Variants in KIR2DL3 observed in about 807,000 individuals in gnomAD.
The protein encoded by KIR2DL3 is killer cell immunoglobulin-like receptor 2DL3.
A neutral mutation model predicts 33.8 loss-of-function variants in KIR2DL3; 39 were observed. The observed-to-expected ratio is 1.15, with a 90% CI of 0.89 to 1.51. The LOEUF is 1.51. Ranked by LOEUF, KIR2DL3 falls within the 40% of genes most tolerant of loss-of-function variation. KIR2DL3 has a pLI of 0.00. For missense variants in KIR2DL3, 462 were observed against 426.2 expected (o/e 1.08, Z -0.74); for synonymous variants, 174 against 160.2 (o/e 1.09, Z -0.65).
chr19:54,742,344 C>T lies in KIR2DL3; in HGVS notation c.370+65C>T, dbSNP rs562910802. On this transcript the variant is annotated intron_variant, in intron 3 of 7. Coordinates refer to ENST00000342376, the MANE Select transcript of KIR2DL3 (RefSeq NM_015868.3). The stretch of plus-strand genomic sequence containing the variant: ...GAGTGAATGATCCACGACTTGGAAC[C>T]CCCAGGTAGTTGTAAGGAAGATGAG... 4 of 1,356,042 alleles carry T rather than the reference C, an allele frequency of 2.9e-6. No homozygotes were observed. In the African/African-American group the frequency reaches 5.7e-5, roughly 19 times the overall value. 84.0% of individuals were successfully genotyped at this position (1,356,042 alleles called of 1,614,324 possible). A position where few individuals can be genotyped will look rare whatever the true frequency, so the allele number is the denominator to read the frequency against.
intron 5 of KIR2DL3, among the ~76,000 whole-genome samples, chr19:54,749,966 C>G (rs1385349256): frequency 8.2e-6 from 1 of 121,908 alleles, no homozygotes; most frequent in Non-Finnish European, 1.7e-5. Flanking sequence ...CACCTGAATT[C>G]CAATCATCGT....
chr19:54,742,648 A>C (rs1382962700), intron 3 of KIR2DL3, among the ~76,000 whole-genome samples: 1 of 151,366 alleles, frequency 6.6e-6, no homozygotes, highest in Admixed American at 6.6e-5. Context: ...GGAGAACCCA[A>C]GGACACCCAT....
intron 2 of KIR2DL3, among the ~76,000 whole-genome samples, chr19:54,740,207 G>A (rs1409057791): frequency 6.6e-6 from 1 of 151,974 alleles, no homozygotes; most frequent in Non-Finnish European, 1.5e-5. Context: ...AATCTTCTGA[G>A]CACAGGGAGG....
chr19:54,748,750 T>A (rs2072964384), intron 5 of KIR2DL3, among the ~76,000 whole-genome samples: 2 of 144,012 alleles, frequency 1.4e-5, no homozygotes, highest in African/African-American at 5.2e-5. Context: ...GCCTCTCGAG[T>A]AGCTGGGATT....
chr19:54,745,522 C>T (rs1228292144), intron 4 of KIR2DL3, among the ~76,000 whole-genome samples: 2 of 151,816 alleles, frequency 1.3e-5, no homozygotes, highest in African/African-American at 2.4e-5. Flanking sequence ...GCCACCATGC[C>T]TGGCTACTTT....
At chr19:54,740,231 A>G (rs2070767487) in intron 2 of KIR2DL3, among the ~76,000 whole-genome samples, 1 of 151,990 alleles carries the variant, frequency 6.6e-6, no homozygotes, top group Non-Finnish European at 1.5e-5. Context: ...GGGCAGTTCC[A>G]CATCCTCCTC....
chr19:54,741,200 A>G (rs1188755203), intron 2 of KIR2DL3, among the ~76,000 whole-genome samples: 10 of 150,956 alleles, frequency 6.6e-5, no homozygotes, highest in South Asian at 2.2e-4. Context: ...AAAGCCAGGC[A>G]TGGTGGCAGG....
intron 4 of KIR2DL3, among the ~76,000 whole-genome samples, chr19:54,745,139 A>C (rs1243656785): frequency 6.6e-6 from 1 of 151,336 alleles, no homozygotes. Context: ...TATTCTTTCT[A>C]TGGATGAGTA....
intron 2 of KIR2DL3, 62 bp downstream of exon 2, chr19:54,739,604 G>T (rs2070615548): frequency 1.2e-6 from 2 of 1,613,442 alleles, no homozygotes; most frequent in Non-Finnish European, 1.7e-6. Flanking sequence ...TCCTGAAACA[G>T]GAGGGAAGTC....
chr19:54,743,585 A>G (rs1165586772), intron 3 of KIR2DL3, among the ~76,000 whole-genome samples: 12 of 152,172 alleles, frequency 7.9e-5, no homozygotes, highest in Admixed American at 1.3e-4. Context: ...AAGGGAAAAC[A>G]TATCTAGAGG....
Position 54,743,029 on chromosome 19 carries a change from G to A in KIR2DL3, c.370+750G>A, listed in dbSNP as rs1243150178. ...GAATGATGGCAGGGAGCAGAGAAAA[G>A]CACTAAAATTAGAGTCCTGAGAGAG... On this transcript the variant is annotated intron_variant, in intron 3 of 7. Transcript: ENST00000342376. Among the ~76,000 whole-genome samples the A allele has an allele frequency of 1.2e-4, 18 of 151,960 alleles. No individual in the cohort carries two copies. The South Asian group carries it at 2.3e-3, about 19-fold the overall frequency.
intron 2 of KIR2DL3, among the ~76,000 whole-genome samples, chr19:54,740,025 G>A (rs2070722579): frequency 6.6e-6 from 1 of 151,936 alleles, no homozygotes; most frequent in Non-Finnish European, 1.5e-5. Flanking sequence ...TTTTATGTGA[G>A]TAATCTTACA....
chr19:54,744,275 G>A (rs1219755656), intron 4 of KIR2DL3, among the ~76,000 whole-genome samples, 187 bp downstream of exon 4: 1 of 152,118 alleles, frequency 6.6e-6, no homozygotes, highest in Non-Finnish European at 1.5e-5. Context: ...CCTGCATGAA[G>A]GCCCGCGGCC....
intron 3 of KIR2DL3, 75 bp from the exon 4 acceptor site, chr19:54,743,720 G>A (rs2071637108): frequency 1.6e-6 from 2 of 1,243,720 alleles, no homozygotes; most frequent in Non-Finnish European, 1.1e-6. Flanking sequence ...GAGCAGGGGA[G>A]TGAGTTCTCA....
chr19:54,742,861 T>C (rs1274638047), intron 3 of KIR2DL3, among the ~76,000 whole-genome samples: 1 of 150,510 alleles, frequency 6.6e-6, no homozygotes, highest in Non-Finnish European at 1.5e-5. Flanking sequence ...ACCCCACATA[T>C]GAAAGGATCA....
rs541969449 is a variant in KIR2DL3 at position 54,745,716 on chromosome 19, A to G, written c.665-1619A>G. Among the ~76,000 whole-genome samples the G allele has an allele frequency of 1.3e-4, 19 of 151,674 alleles. 1 individual carries two copies. The South Asian group carries it at 3.6e-3, about 29-fold the overall frequency. On this transcript the variant is annotated intron_variant, in intron 4 of 7. Coordinates refer to ENST00000342376, the MANE Select transcript of KIR2DL3 (RefSeq NM_015868.3). ...CACTTTTCTCCGTAAAGGCTGTACT[A>G]ATTTACACTCCTACCAACAGGGTAT...
chr19:54,744,734 T>A (rs1180839030), intron 4 of KIR2DL3, among the ~76,000 whole-genome samples: 1 of 150,314 alleles, frequency 6.7e-6, no homozygotes, highest in Non-Finnish European at 1.5e-5. Context: ...ACCATGTTGG[T>A]CGAGCTGGTC....
chr19:54,741,849 G>A (rs1449484773), intron 2 of KIR2DL3, 131 bp from the exon 3 acceptor site: 3 of 1,267,244 alleles, frequency 2.4e-6, no homozygotes, highest in East Asian at 2.3e-5. Flanking sequence ...TAAGGGCACA[G>A]AAAAGAACAT....
intron 4 of KIR2DL3, among the ~76,000 whole-genome samples, chr19:54,744,310 G>A (rs2071836439): frequency 6.6e-6 from 1 of 152,040 alleles, no homozygotes; most frequent in African/African-American, 2.4e-5. Flanking sequence ...ACAGGCAGAT[G>A]GAGAAAACGG....
Sources: allele counts gnomAD v4.1 joint callset (sites outside exome capture counted in the v4.1 genomes callset), GRCh38; gene constraint gnomAD v4.1.1; transcripts MANE v1.5; gene names NCBI Gene and HGNC (gene_info 2026-07-23, HGNC 2026-07-21).